Variants in MARK3 observed in about 807,000 individuals in gnomAD.
MARK3 encodes MAP/microtubule affinity-regulating kinase 3.
In MARK3, 46 loss-of-function variants were observed where a neutral mutation model predicts 90.1. The ratio of observed to expected loss-of-function variants is 0.51; its 90% CI spans 0.40 to 0.65. The LOEUF (loss-of-function observed/expected upper bound fraction) is 0.65, where lower values mean the gene tolerates loss of function less well. Among genes scored for constraint, MARK3 ranks in the 30% least tolerant of loss-of-function variants. The pLI is 0.00. For missense variants in MARK3, 818 were observed against 947.2 expected, an observed-to-expected ratio of 0.86 and a Z score of 1.79; for synonymous variants, 321 against 332.6, an observed-to-expected ratio of 0.97 and a Z score of 0.38.
chr14:103,424,353 G>A (rs1305609197), intron 2 of MARK3, among the ~76,000 whole-genome samples: 1 of 151,064 alleles, frequency 6.6e-6, no homozygotes. Flanking sequence ...GGTAACATAA[G>A]GAGACCTCAT....
At position 103,448,907 on chromosome 14, in the gene MARK3, T is replaced by G. The variant is rs757145191; in HGVS notation, c.298-12T>G. On this transcript the variant is annotated splice_polypyrimidine_tract_variant and intron_variant, in intron 3 of 17. Transcript: ENST00000429436. ...TGGGGGGATTATGTGTTTTGTTTGTTTTTTTTTTTAGCTCTTCAGAGAAGT... is the reference window on the plus strand; with the variant it reads ...TGGGGGGATTATGTGTTTTGTTTGTGTTTTTTTTTAGCTCTTCAGAGAAGT... The G allele has an allele frequency of 3.3e-6, 5 of 1,525,752 alleles. No individual in the cohort carries two copies. In the East Asian group the frequency reaches 9.3e-5, roughly 28 times the overall value. 94.5% of individuals were successfully genotyped at this position (1,525,752 alleles called of 1,614,324 possible).
intron 3 of MARK3, among the ~76,000 whole-genome samples, chr14:103,434,876 C>T (rs990231105): frequency 6.6e-6 from 1 of 152,256 alleles, no homozygotes; most frequent in East Asian, 1.9e-4. Context: ...TAGGGTTATT[C>T]ATTGTGCCCC....
intron 10 of MARK3, 72 bp from the exon 11 acceptor site, chr14:103,467,004 CAAA>C (rs11320440): frequency 0.046 from 19,353 of 417,812 alleles, 5 homozygotes; most frequent in East Asian, 0.068. Context: ...AACTCCGTCT[CAAA>C]AAAAAAAAAA....
At position 103,480,431 on chromosome 14, in the gene MARK3, T is replaced by C. The variant is rs1437056266; in HGVS notation, c.1527T>C (p.Val509=). The change falls in exon 14 of 18, where the codon GTT becomes GTC. Residue 509 remains valine (V), a synonymous_variant. Transcript: ENST00000429436. ...GAATGACACGACGAAATACTTATGT[T>C]TGCAGTGAGAGAACTACAGCTGATA... ...SGGMTRRNTY[V]CSERTTADRH... is the part of the protein sequence containing the mutation. The C allele has an allele frequency of 5.0e-6, 8 of 1,613,734 alleles. No individual in the cohort carries two copies. Among genetic ancestry groups the C allele is most frequent in the Non-Finnish European group, 6.8e-6 (8 of 1,179,816 alleles).
At chr14:103,490,957 C>T in intron 14 of MARK3, 1 of 1,273,692 alleles carries the variant, frequency 7.9e-7, no homozygotes, top group Non-Finnish European at 1.0e-6. Flanking sequence ...CCCAGCCTGA[C>T]AGAAATGTTC....
intron 3 of MARK3, among the ~76,000 whole-genome samples, chr14:103,437,373 G>A (rs1342867797): frequency 5.9e-5 from 9 of 151,652 alleles, no homozygotes; most frequent in African/African-American, 1.9e-4. Flanking sequence ...CATCCTGGGC[G>A]ACAGAGTGAG....
chr14:103,468,407 C>T (rs2093559583), intron 12 of MARK3, among the ~76,000 whole-genome samples: 1 of 139,544 alleles, frequency 7.2e-6, no homozygotes, highest in Non-Finnish European at 1.5e-5. Flanking sequence ...TCACTGCAAC[C>T]TCCACCTCCC....
chr14:103,488,239 G>A (rs1220736829), intron 14 of MARK3, among the ~76,000 whole-genome samples: 1 of 152,116 alleles, frequency 6.6e-6, no homozygotes, highest in African/African-American at 2.4e-5. Flanking sequence ...AAAAAGTCCA[G>A]GGCTAGAGTT....
At chr14:103,399,569 G>A (rs1008924467) in intron 1 of MARK3, among the ~76,000 whole-genome samples, 1 of 151,798 alleles carries the variant, frequency 6.6e-6, no homozygotes, top group Non-Finnish European at 1.5e-5. Context: ...CACGGTGGCG[G>A]GTACCTGTAG....
chr14:103,415,200 C>T (rs895515369), intron 2 of MARK3, among the ~76,000 whole-genome samples: 3 of 131,298 alleles, frequency 2.3e-5, no homozygotes, highest in Non-Finnish European at 3.3e-5. Context: ...ACTATATGTT[C>T]GTTGGAAGAA....
intron 5 of MARK3, among the ~76,000 whole-genome samples, chr14:103,452,489 T>TTTTTTTTTTTTTTTTTTTTTTG (rs2093172785): frequency 7.3e-6 from 1 of 137,424 alleles, no homozygotes; most frequent in Non-Finnish European, 1.6e-5. Context: ...TTTTTTTTTT[T>TTTTTTTTTTTTTTTTTTTTTTG]GAGACGGAGT....
intron 14 of MARK3, chr14:103,490,880 C>A: frequency 9.8e-7 from 1 of 1,022,038 alleles, no homozygotes; most frequent in Non-Finnish European, 1.3e-6. Flanking sequence ...GTGCATTACA[C>A]ACAGGTTGCT....
intron 6 of MARK3, among the ~76,000 whole-genome samples, chr14:103,461,794 T>TG (rs1332342629): frequency 5.3e-5 from 8 of 152,052 alleles, no homozygotes; most frequent in African/African-American, 1.9e-4. Flanking sequence ...CCTAGCACTT[T>TG]GGGAGGCTGA....
intron 2 of MARK3, among the ~76,000 whole-genome samples, chr14:103,410,682 A>G (rs2091578519): frequency 1.3e-5 from 2 of 152,186 alleles, no homozygotes; most frequent in Middle Eastern, 3.2e-3. Flanking sequence ...AGCCGGGGCA[A>G]CAGAGGACAC....
intron 2 of MARK3, among the ~76,000 whole-genome samples, chr14:103,415,658 C>T (rs1004729140): frequency 6.6e-6 from 1 of 150,602 alleles, no homozygotes; most frequent in African/African-American, 2.5e-5. Flanking sequence ...TCATAGCCTC[C>T]CAGAGACCTT....
In MARK3 at chr14:103,503,076, A is replaced by G. The variant is rs1259174506; in HGVS notation, c.2111A>G (p.Asp704Gly). 5 of 1,614,218 alleles carry G rather than the reference A, an allele frequency of 3.1e-6. No homozygotes were observed. The highest frequency in any genetic ancestry group is 3.4e-6 in the Non-Finnish European group (4 of 1,180,048). The change falls in exon 18 of 18, where the codon GAT (aspartate) becomes GGT (glycine). Residue 704 changes from aspartate (D) to glycine (G), a missense_variant. Asp to Gly is a moderately conservative substitution (Grantham distance 94, BLOSUM62 -1). Around this residue, in one of 3 missense-constraint regions of MARK3, gnomAD observed 560 missense variants for 613.5 expected, o/e 0.91. Coordinates refer to ENST00000429436, the MANE Select transcript of MARK3 (RefSeq NM_001128918.3). ...TTCTTGCTCTTCTGCGTCCACGGAG[A>G]TGGGCACGCGGAGAACCTCGTGCAG... ...ERFLLFCVHG[D>G]GHAENLVQWE...
chr14:103,427,053 C>T (rs1278056399), intron 2 of MARK3, among the ~76,000 whole-genome samples: 2 of 151,926 alleles, frequency 1.3e-5, no homozygotes, highest in Admixed American at 6.6e-5. Flanking sequence ...TGTATAATCT[C>T]TCTCTCTCTC....
chr14:103,503,363 G>T lies in MARK3; in HGVS notation c.*136G>T, dbSNP rs755409005. 17 of 830,556 alleles carry T rather than the reference G, an allele frequency of 2.0e-5. No homozygotes were observed. The highest frequency in any genetic ancestry group is 5.5e-6 in the Non-Finnish European group (3 of 547,048). The allele number at this position is 830,556 out of a possible 1,614,324, so 51.4% of individuals were successfully genotyped here. On this transcript the variant is annotated 3_prime_UTR_variant, in exon 18 of 18. Coordinates refer to ENST00000429436, the MANE Select transcript of MARK3 (RefSeq NM_001128918.3). ...AATTAAAGTCTGAGGACGAGAGCAC[G>T]CCTGGGAGCGAAAGCTGGCCTTTTT...
intron 14 of MARK3, among the ~76,000 whole-genome samples, chr14:103,488,600 A>G (rs2093969861): frequency 6.6e-6 from 1 of 152,206 alleles, no homozygotes; most frequent in Admixed American, 6.5e-5. Context: ...AAGGCCTATA[A>G]TCCCAGCACT....
Sources: gnomAD v4.1 joint callset for allele counts (sites outside exome capture counted in the v4.1 genomes callset) on GRCh38, gnomAD v4.1.1 for gene constraint, gnomAD v4.1.1 regional missense constraint, MANE v1.5 for transcripts, NCBI Gene and HGNC (gene_info 2026-07-23, HGNC 2026-07-21) for gene names.